The following PCDH15 variants were observed in gnomAD, a reference collection of about 807,000 sequenced individuals.
The protein encoded by PCDH15 is protocadherin related 15, also known as protocadherin-15.
A neutral mutation model predicts 178.5 loss-of-function variants in PCDH15; 129 were observed. The observed-to-expected ratio is 0.72, with a 90% CI of 0.63 to 0.84. The LOEUF (loss-of-function observed/expected upper bound fraction) is 0.84, where lower values mean the gene tolerates loss of function less well. PCDH15 is among the 40% of genes least tolerant of loss of function. The pLI is 0.00. For missense variants in PCDH15, 2,230 were observed against 2,099.9 expected (o/e 1.06, Z -1.21); for synonymous variants, 800 against 732.0 (o/e 1.09, Z -1.50).
In PCDH15 at chr10:54,298,530, G is replaced by C. The variant is rs149594661; in HGVS notation, c.876+18741C>G. ...TGGCTTGCAAGGACACCTTAAAAAA[G>C]GTTGTCCAATGAGAAACAAGCTGCC... On this transcript the variant is annotated intron_variant, in intron 8 of 37. Coordinates refer to ENST00000644397, the MANE Select transcript of PCDH15 (RefSeq NM_001384140.1). Among the ~76,000 whole-genome samples the C allele has an allele frequency of 9.0e-3, 1,365 of 152,268 alleles. 26 individuals are homozygous for C. Among genetic ancestry groups the C allele is most frequent in the African/African-American group, 0.031 (1,291 of 41,564 alleles).
At chr10:54,016,569 T>G (rs538439810) in intron 20 of PCDH15, among the ~76,000 whole-genome samples, 1 of 152,206 alleles carries the variant, frequency 6.6e-6, no homozygotes, top group African/African-American at 2.4e-5. Context: ...AATGAGATCA[T>G]GTCCTTTGCA....
At chr10:54,827,273 C>T (rs1953148298) in intron 3 of PCDH15, among the ~76,000 whole-genome samples, 1 of 152,196 alleles carries the variant, frequency 6.6e-6, no homozygotes, top group African/African-American at 2.4e-5. Context: ...AGCCAGAATA[C>T]AAATATATAT....
At chr10:54,465,872 G>A (rs2077483809) in intron 3 of PCDH15, among the ~76,000 whole-genome samples, 1 of 151,896 alleles carries the variant, frequency 6.6e-6, no homozygotes, top group Non-Finnish European at 1.5e-5. Flanking sequence ...GTGTATAAGA[G>A]TTCTTTTTTC....
At chr10:54,806,499 T>C (rs1350908183) in intron 3 of PCDH15, among the ~76,000 whole-genome samples, 1 of 151,858 alleles carries the variant, frequency 6.6e-6, no homozygotes, top group Non-Finnish European at 1.5e-5. Flanking sequence ...TTTTTTTTTT[T>C]CTGAGACGGA....
At position 53,827,449 on chromosome 10, in the gene PCDH15, C is replaced by T. The variant is rs949983423; in HGVS notation, c.4311G>A (p.Pro1437=). 10 of 1,613,142 alleles carry T rather than the reference C, an allele frequency of 6.2e-6. No homozygotes were observed. The highest frequency in any genetic ancestry group is 8.5e-6 in the Non-Finnish European group (10 of 1,179,534). The change falls in exon 32 of 38, where the codon CCG becomes CCA. Residue 1437 remains proline, a synonymous_variant. Transcript: ENST00000644397. ...PAPAPVAAPP[P]PPPPPPGAHL... is the part of the protein sequence containing the mutation. ...GCGCACCTGGCGGAGGCGGCGGCGG[C>T]GGCGGGGGCGCTGCCACTGGTGCAG...
intron 2 of PCDH15, among the ~76,000 whole-genome samples, chr10:54,958,709 C>G (rs1838558175): frequency 6.6e-6 from 1 of 151,298 alleles, no homozygotes; most frequent in African/African-American, 2.4e-5. Context: ...AAGAATAAAG[C>G]CAACACCATG....
At chr10:55,517,635 ATTGCAC>A (rs1841051386) in intron 2 of PCDH15, among the ~76,000 whole-genome samples, 1 of 152,176 alleles carries the variant, frequency 6.6e-6, no homozygotes, top group Non-Finnish European at 1.5e-5. Flanking sequence ...CGTTCCAGCA[ATTGCAC>A]TTTTGAGAAT....
intron 2 of PCDH15, among the ~76,000 whole-genome samples, chr10:55,000,785 C>T (rs969682208): frequency 2.0e-5 from 3 of 152,150 alleles, no homozygotes; most frequent in African/African-American, 7.2e-5. Context: ...GTCAGTCCCT[C>T]CATTTGGGGT....
rs182626489 is a variant in PCDH15 at position 54,296,514 on chromosome 10, C to T, written c.876+20757G>A. 1.9e-3 allele frequency among the ~76,000 whole-genome samples: 287 copies of T among 151,146 alleles called. 1 individual carries two copies. Among genetic ancestry groups the T allele is most frequent in the African/African-American group, 3.8e-3 (157 of 41,106 alleles). On this transcript the variant is annotated intron_variant, in intron 8 of 37. Coordinates refer to ENST00000644397, the MANE Select transcript of PCDH15 (RefSeq NM_001384140.1). ...TGCCTCTCTTCTCTGAGGCTAGTCTCGCTTCTAAAAACCACTCCCTGTCTC... is the reference window on the plus strand; with the variant it reads ...TGCCTCTCTTCTCTGAGGCTAGTCTTGCTTCTAAAAACCACTCCCTGTCTC...
intron 2 of PCDH15, among the ~76,000 whole-genome samples, chr10:54,635,649 C>A (rs2093831903): frequency 6.6e-6 from 1 of 151,406 alleles, no homozygotes; most frequent in African/African-American, 2.4e-5. Flanking sequence ...GTTATGGTAA[C>A]AAATATAAAA....
intron 1 of PCDH15, among the ~76,000 whole-genome samples, chr10:54,796,638 T>G (rs946089073): frequency 2.6e-5 from 4 of 151,778 alleles, no homozygotes; most frequent in Admixed American, 6.6e-5. Flanking sequence ...TCTGTTCCCT[T>G]TCTCTTTTTC....
intron 3 of PCDH15, among the ~76,000 whole-genome samples, chr10:54,863,187 T>A (rs1158144426): frequency 6.6e-6 from 1 of 152,186 alleles, no homozygotes; most frequent in Non-Finnish European, 1.5e-5. Flanking sequence ...CATTTTCCTA[T>A]AAATGATTAA....
At chr10:55,518,548 G>A (rs1841075883) in intron 2 of PCDH15, among the ~76,000 whole-genome samples, 1 of 151,916 alleles carries the variant, frequency 6.6e-6, no homozygotes, top group Non-Finnish European at 1.5e-5. Context: ...TTGGGGGAGA[G>A]TCTCTTGGGT....
chr10:55,284,874 T>A (rs1842826998), intron 1 of PCDH15, among the ~76,000 whole-genome samples: 1 of 152,008 alleles, frequency 6.6e-6, no homozygotes, highest in South Asian at 2.1e-4. Flanking sequence ...TATGTAGTGC[T>A]AATGTTTGGC....
chr10:54,189,144 T>C (rs149066125), intron 11 of PCDH15, among the ~76,000 whole-genome samples: 3 of 152,138 alleles, frequency 2.0e-5, no homozygotes, highest in East Asian at 3.9e-4. Flanking sequence ...CTATAAACAA[T>C]AGATTATGTA....
chr10:53,955,798 T>C (rs2087556210), intron 23 of PCDH15, among the ~76,000 whole-genome samples: 1 of 152,200 alleles, frequency 6.6e-6, no homozygotes, highest in African/African-American at 2.4e-5. Context: ...TTAGCATCTC[T>C]GGGAATAATG....
chr10:54,436,059 G>C (rs2136081421), intron 3 of PCDH15, among the ~76,000 whole-genome samples: 1 of 143,504 alleles, frequency 7.0e-6, no homozygotes. Flanking sequence ...AGAAAAGAAA[G>C]AAAGAAAGAA....
intron 1 of PCDH15, among the ~76,000 whole-genome samples, chr10:55,234,125 C>A (rs1304992688): frequency 6.6e-6 from 1 of 152,038 alleles, no homozygotes; most frequent in African/African-American, 2.4e-5. Context: ...CACCCATTAA[C>A]CCACATATAC....
chr10:55,446,320 T>TAC (rs1839315810), intron 2 of PCDH15, among the ~76,000 whole-genome samples: 1 of 151,548 alleles, frequency 6.6e-6, no homozygotes, highest in African/African-American at 2.4e-5. Context: ...TGTATATATA[T>TAC]ATATATAAAA....
Sources: allele counts gnomAD v4.1 joint callset (sites outside exome capture counted in the v4.1 genomes callset), GRCh38; gene constraint gnomAD v4.1.1; transcripts MANE v1.5; gene names NCBI Gene and HGNC (gene_info 2026-07-23, HGNC 2026-07-21).